Variants in ANKRD26 observed in about 807,000 individuals in gnomAD.
ANKRD26 encodes ankyrin repeat domain 26, also known as ankyrin repeat domain-containing protein 26.
Under a neutral mutation model 208.7 loss-of-function variants are expected in ANKRD26, and 141 were observed. The ratio of observed to expected loss-of-function variants is 0.68; its 90% confidence interval spans 0.59 to 0.78. ANKRD26 has a LOEUF of 0.78. Ranked by LOEUF, ANKRD26 falls within the 30% of genes least tolerant of loss-of-function variation. The pLI, the probability that ANKRD26 is intolerant of heterozygous loss-of-function variation, is 0.00. For missense variants in ANKRD26, 1,889 were observed against 1,938.7 expected (o/e 0.97, Z 0.48); for synonymous variants, 636 against 660.4 (o/e 0.96, Z 0.57).
At chr10:27,023,649 C>G (rs548076429) in intron 28 of ANKRD26, among the ~76,000 whole-genome samples, 2 of 151,920 alleles carry the variant, frequency 1.3e-5, no homozygotes, top group Admixed American at 1.3e-4. Flanking sequence ...ACTAGCACAA[C>G]GTTAACAAAG....
intron 5 of ANKRD26, among the ~76,000 whole-genome samples, chr10:27,085,368 G>A: frequency 6.6e-6 from 1 of 151,984 alleles, no homozygotes. Context: ...CAAAGTGCTG[G>A]GATTACAGGC....
At chr10:27,042,798 C>CAAAAAAAAAAAAAAAAAAAAAAAA (rs60850386) in intron 20 of ANKRD26, among the ~76,000 whole-genome samples, 7 of 48,936 alleles carry the variant, frequency 1.4e-4, no homozygotes, top group Non-Finnish European at 3.0e-4. Context: ...CAAAAAAATA[C>CAAAAAAAAAAAAAAAAAAAAAAAA]AAAAAAAAAA....
intron 5 of ANKRD26, among the ~76,000 whole-genome samples, chr10:27,086,115 G>A (rs967758039): frequency 3.3e-5 from 5 of 151,984 alleles, no homozygotes; most frequent in Non-Finnish European, 7.4e-5. Context: ...TAATATGCAC[G>A]TTGCTCAAGG....
At chr10:27,099,247 T>C (rs980463812) in intron 1 of ANKRD26, among the ~76,000 whole-genome samples, 1 of 152,118 alleles carries the variant, frequency 6.6e-6, no homozygotes, top group African/African-American at 2.4e-5. Context: ...TGCCTTGGTC[T>C]CCTAAAATGC....
rs116623880 is a variant in ANKRD26, at chr10:27,053,296, G to A, written c.1635+24C>T. On this transcript the variant is annotated intron_variant, in intron 16 of 33. Coordinates refer to ENST00000376087, the MANE Select transcript of ANKRD26 (RefSeq NM_014915.3). ...AAGCAAAGAAAACAATATTAAACCA[G>A]AAATTTTTAAAAATATATAATACCT... 3,734 of 1,560,166 alleles carry A rather than the reference G, an allele frequency of 2.4e-3. 93 individuals carry two copies. The African/African-American group carries it at 0.044, about 18-fold the overall frequency.
intron 12 of ANKRD26, chr10:27,062,019 AAATGAG>A: frequency 1.0e-6 from 1 of 985,312 alleles, no homozygotes; most frequent in African/African-American, 1.7e-5. Flanking sequence ...AATCCATCTG[AAATGAG>A]TTCTCTCAAG....
At chr10:27,083,846 A>T (rs1377010137) in intron 5 of ANKRD26, among the ~76,000 whole-genome samples, 1 of 152,260 alleles carries the variant, frequency 6.6e-6, no homozygotes, top group Non-Finnish European at 1.5e-5. Flanking sequence ...AAGCACAGTC[A>T]TGTTATTCAC....
chr10:27,081,944 G>A (rs759549992), intron 6 of ANKRD26, among the ~76,000 whole-genome samples: 9 of 151,556 alleles, frequency 5.9e-5, no homozygotes, highest in Non-Finnish European at 8.8e-5. Context: ...CACCGTGTTA[G>A]CCAGGCTGGT....
At chr10:26,949,904 CT>C in the ANKRD26 span, among the ~76,000 whole-genome samples, 12 of 152,330 alleles carry the variant, frequency 7.9e-5, no homozygotes, top group African/African-American at 2.6e-4. Flanking sequence ...TTATCACCTA[CT>C]TATGTCACCT....
chr10:27,061,038 T>C, intron 13 of ANKRD26, 106 bp downstream of exon 13: 2 of 871,750 alleles, frequency 2.3e-6, no homozygotes, highest in South Asian at 1.4e-5. Context: ...CCACTTTACT[T>C]GGATATATAA....
chr10:27,066,668 T>C (rs575504635), intron 10 of ANKRD26, 120 bp from the exon 11 acceptor site: 15 of 660,394 alleles, frequency 2.3e-5, no homozygotes, highest in African/African-American at 3.7e-5. Flanking sequence ...AAAATAAAAA[T>C]AATAGCAAAA....
intron 17 of ANKRD26, among the ~76,000 whole-genome samples, chr10:27,047,516 G>A (rs1004353051): frequency 6.6e-6 from 1 of 151,864 alleles, no homozygotes; most frequent in African/African-American, 2.4e-5. Flanking sequence ...AGCTACTCGG[G>A]AAGTTGAGGC....
At chr10:27,099,500 G>C (rs2056574680) in intron 1 of ANKRD26, among the ~76,000 whole-genome samples, 1 of 148,516 alleles carries the variant, frequency 6.7e-6, no homozygotes, top group South Asian at 2.2e-4. Context: ...CTGCAGCCTA[G>C]AACTCCTGGG....
chr10:26,952,641 A>G, the ANKRD26 span, among the ~76,000 whole-genome samples: 4 of 152,186 alleles, frequency 2.6e-5, no homozygotes, highest in African/African-American at 9.6e-5. Flanking sequence ...AAAAAATAAT[A>G]ATAAAATAAA....
chr10:27,037,895 C>T lies in ANKRD26; in HGVS notation c.2535G>A (p.Arg845=). 1 of 1,612,238 alleles carries T rather than the reference C, an allele frequency of 6.2e-7. No individual in the cohort carries two copies. The change falls in exon 22 of 34, where the codon AGG becomes AGA. Residue 845 remains arginine, a synonymous_variant. Coordinates refer to ENST00000376087, the MANE Select transcript of ANKRD26 (RefSeq NM_014915.3). ...CCTGATTCAAATTACTTTTTACAGT[C>T]CTCAATTCCATCTCCAGTGTTTGGA... ...LSLQTLEMEL[R]TVKSNLNQVV... is the part of the protein sequence containing the mutation.
In ANKRD26 at chr10:27,100,153, A is replaced by T. The variant is rs369265533; in HGVS notation, c.174T>A (p.Asn58Lys). The T allele has an allele frequency of 6.2e-7, 1 of 1,614,086 alleles. No individual in the cohort carries two copies. The highest frequency in any genetic ancestry group is 1.7e-5 in the Admixed American group (1 of 60,026). ...AAAGGATCTGCTGCACTTTCGCCAC[A>T]TTACCCGCGCTGGCAGCTTTGTGGA... is the stretch of plus-strand genomic sequence containing the variant. ...GKIHKAASAG[N>K]VAKVQQILLL... The change falls in exon 1 of 34, where the codon AAT becomes AAA. Residue 58 changes from asparagine (N) to lysine (K), a missense_variant. Asn to Lys is a moderately conservative substitution (Grantham distance 94). Coordinates refer to ENST00000376087, the MANE Select transcript of ANKRD26 (RefSeq NM_014915.3).
intron 15 of ANKRD26, among the ~76,000 whole-genome samples, chr10:27,054,242 G>A (rs548145877): frequency 6.6e-6 from 1 of 151,916 alleles, no homozygotes; most frequent in South Asian, 2.1e-4. Flanking sequence ...TATTTTACTC[G>A]ATAATTATTT....
intron 23 of ANKRD26, among the ~76,000 whole-genome samples, chr10:27,036,347 T>TA (rs1235261653): frequency 0.026 from 3,837 of 148,602 alleles, 122 homozygotes; most frequent in African/African-American, 0.084. Context: ...AAGGAAAAGT[T>TA]AAAAAAAAAA....
intron 30 of ANKRD26, 80 bp from the exon 31 acceptor site, chr10:27,014,791 T>C: frequency 8.4e-7 from 1 of 1,185,224 alleles, no homozygotes; most frequent in Non-Finnish European, 1.2e-6. Context: ...GTCTAAGGGC[T>C]GTTTTGTTTT....
Sources: allele counts gnomAD v4.1 joint callset (sites outside exome capture counted in the v4.1 genomes callset), GRCh38; gene constraint gnomAD v4.1.1; transcripts MANE v1.5; gene names NCBI Gene and HGNC (gene_info 2026-07-23, HGNC 2026-07-21).